MYH15: variants seen among roughly 807,000 people sequenced by gnomAD.
MYH15 encodes the protein myosin-15.
MYH15 carries 227 observed loss-of-function variants against 240.5 expected under a neutral mutation model. The observed-to-expected ratio is 0.94, with a 90% CI of 0.85 to 1.05. The LOEUF (loss-of-function observed/expected upper bound fraction) is 1.05. Ranked by LOEUF, MYH15 falls within the 50% of genes least tolerant of loss-of-function variation. MYH15 has a pLI of 0.00. For missense variants in MYH15, 2,217 were observed against 2,247.5 expected (o/e 0.99, Z 0.27); for synonymous variants, 785 against 796.7 (o/e 0.99, Z 0.25).
chr3:108,455,691 C>T (rs896347047), intron 20 of MYH15, 45 bp downstream of exon 20: 2 of 1,597,722 alleles, frequency 1.3e-6, no homozygotes, highest in Non-Finnish European at 1.7e-6. Context: ...ACACAGTCTT[C>T]CCCCCATTCG....
In MYH15 at chr3:108,410,822, T is replaced by C; in HGVS notation, c.4256A>G (p.Asp1419Gly). ...GACCTTCCCGAGGTCAGACAGGGCG[T>C]CCCCGAGCTCCAGCTGCAGCTGGTG... ...ARHQLQLELG[D>G]ALSDLGKVRS... The change falls in exon 31 of 41, where the codon GAC becomes GGC. Residue 1419 changes from aspartate to glycine, a missense_variant. By Grantham distance (94) the Asp-to-Gly change is moderately conservative. Coordinates refer to ENST00000693548, the MANE Select transcript of MYH15 (RefSeq NM_014981.3). 1.9e-6 allele frequency: 3 copies of C among 1,613,964 alleles called. No homozygotes were observed. Among genetic ancestry groups the C allele is most frequent in the Non-Finnish European group, 2.5e-6 (3 of 1,179,858 alleles).
chr3:108,468,029 G>A (rs1000141067), intron 14 of MYH15, among the ~76,000 whole-genome samples: 16 of 151,200 alleles, frequency 1.1e-4, no homozygotes, highest in African/African-American at 3.4e-4. Flanking sequence ...GCAGTGGTGC[G>A]ATCTCAGCTC....
intron 23 of MYH15, among the ~76,000 whole-genome samples, chr3:108,440,507 C>T (rs1020378490): frequency 6.6e-6 from 1 of 152,006 alleles, no homozygotes; most frequent in Admixed American, 6.6e-5. Context: ...TCCTCACTGT[C>T]CTCAATCCAC....
rs2083086094 is a variant in MYH15, at chr3:108,463,254, G to A, written c.1732-11C>T. On this transcript the variant is annotated splice_polypyrimidine_tract_variant and intron_variant, in intron 15 of 40. Coordinates refer to ENST00000693548, the MANE Select transcript of MYH15 (RefSeq NM_014981.3). ...GATATTATAAGGTACCTTTGGAAAG[G>A]CATGCATTTCAGGTTAAAAAAAGAA... 1.3e-6 allele frequency: 2 copies of A among 1,595,106 alleles called. No individual in the cohort carries two copies. The highest frequency in any genetic ancestry group is 8.5e-7 in the Non-Finnish European group (1 of 1,175,002).
intron 1 of MYH15, among the ~76,000 whole-genome samples, chr3:108,523,752 A>G (rs2083642600): frequency 6.6e-6 from 1 of 152,014 alleles, no homozygotes. Flanking sequence ...GTGTTCAGGT[A>G]AACAAATATA....
At chr3:108,394,730 T>C (rs2107537980) in intron 35 of MYH15, among the ~76,000 whole-genome samples, 1 of 152,296 alleles carries the variant, frequency 6.6e-6, no homozygotes, top group East Asian at 1.9e-4. Context: ...TTCTTTGTGT[T>C]CTGTGGTTGG....
At chr3:108,528,830 C>G (rs1420846036) in intron 1 of MYH15, among the ~76,000 whole-genome samples, 1 of 152,078 alleles carries the variant, frequency 6.6e-6, no homozygotes, top group East Asian at 1.9e-4. Flanking sequence ...TGGGGTTGGT[C>G]CCAGAGAAAA....
chr3:108,401,934 AAGT>A (rs1296309623), intron 33 of MYH15, among the ~76,000 whole-genome samples: 2 of 152,238 alleles, frequency 1.3e-5, no homozygotes, highest in African/African-American at 4.8e-5. Context: ...ATATAGGAAG[AAGT>A]ACCTTCTTTT....
chr3:108,492,422 T>C (rs2083357148), intron 9 of MYH15, 78 bp downstream of exon 9: 3 of 1,040,202 alleles, frequency 2.9e-6, no homozygotes, highest in South Asian at 3.2e-5. Context: ...ACTTACCGAA[T>C]AACACTTTTT....
intron 1 of MYH15, among the ~76,000 whole-genome samples, chr3:108,526,018 G>A (rs1194025745): frequency 1.3e-5 from 2 of 152,058 alleles, no homozygotes; most frequent in Non-Finnish European, 2.9e-5. Context: ...GAAAAGGGAA[G>A]AAATATCCTG....
intron 28 of MYH15, among the ~76,000 whole-genome samples, chr3:108,417,618 T>C (rs1481365485): frequency 6.6e-6 from 1 of 152,126 alleles, no homozygotes; most frequent in Non-Finnish European, 1.5e-5. Flanking sequence ...TCTATCATAC[T>C]CTAGTCTATC....
chr3:108,503,426 G>A (rs897295164), intron 2 of MYH15, among the ~76,000 whole-genome samples: 1 of 152,088 alleles, frequency 6.6e-6, no homozygotes, highest in African/African-American at 2.4e-5. Context: ...TTTGCAACCA[G>A]AAAGTAAAAA....
chr3:108,384,865 G>A (rs553697082), intron 38 of MYH15, 83 bp from the exon 39 acceptor site: 3 of 1,211,290 alleles, frequency 2.5e-6, no homozygotes, highest in Middle Eastern at 2.0e-4. Context: ...GGGAAATAAG[G>A]ATCAGGGAAC....
At chr3:108,437,972 C>T (rs2082855124) in intron 24 of MYH15, among the ~76,000 whole-genome samples, 1 of 152,144 alleles carries the variant, frequency 6.6e-6, no homozygotes, top group Non-Finnish European at 1.5e-5. Flanking sequence ...CCAGTGAGCC[C>T]TTGATTGATC....
At chr3:108,497,822 T>C (rs1490072568) in intron 6 of MYH15, among the ~76,000 whole-genome samples, 1 of 152,246 alleles carries the variant, frequency 6.6e-6, no homozygotes, top group Non-Finnish European at 1.5e-5. Context: ...AATGCCCCTT[T>C]AAGCAGATGT....
rs1057436734 is a variant in MYH15 at position 108,388,956 on chromosome 3, G to A, written c.5535+14C>T. The A allele has an allele frequency of 1.9e-6, 3 of 1,611,048 alleles. No homozygotes were observed. Among genetic ancestry groups the A allele is most frequent in the Non-Finnish European group, 2.5e-6 (3 of 1,178,124 alleles). On this transcript the variant is annotated intron_variant, in intron 38 of 40. Transcript: ENST00000693548. ...TGCCCAGCCAGACAAACAGGGAATG[G>A]TTTCCTGGAGTACCTGATAGGTCAG...
the MYH15 span, among the ~76,000 whole-genome samples, chr3:108,538,125 T>C: frequency 1.3e-5 from 2 of 152,198 alleles, no homozygotes; most frequent in African/African-American, 4.8e-5. Context: ...TTCTCCTGTG[T>C]TTCGGGCATT....
chr3:108,465,279 G>T (rs2083105159), intron 14 of MYH15, among the ~76,000 whole-genome samples: 1 of 152,152 alleles, frequency 6.6e-6, no homozygotes, highest in Non-Finnish European at 1.5e-5. Flanking sequence ...AGTATTCCAG[G>T]CAGAAAAATG....
intron 32 of MYH15, 42 bp downstream of exon 32, chr3:108,408,238 C>T (rs1265470787): frequency 1.3e-6 from 2 of 1,585,714 alleles, no homozygotes; most frequent in Non-Finnish European, 1.7e-6. Context: ...GATCTTCTGC[C>T]TTGTCACAGT....
Sources: gnomAD v4.1 joint callset for allele counts (sites outside exome capture counted in the v4.1 genomes callset) on GRCh38, gnomAD v4.1.1 for gene constraint, MANE v1.5 for transcripts, NCBI Gene and HGNC (gene_info 2026-07-23, HGNC 2026-07-21) for gene names.